LIMS1: variants seen among roughly 807,000 people sequenced by gnomAD.
LIMS1 encodes LIM zinc finger domain containing 1.
Under a neutral mutation model 44.1 loss-of-function variants are expected in LIMS1, and 18 were observed. That is an observed-to-expected ratio of 0.41 (90% CI 0.28 to 0.61). LIMS1 has a LOEUF of 0.61. Among genes scored for constraint, LIMS1 ranks in the 20% least tolerant of loss-of-function variants. LIMS1 has a pLI of 0.32. For synonymous variants in LIMS1, 93 were observed against 149.1 expected (o/e 0.62, Z 2.74); for missense variants, 201 against 422.0 (o/e 0.48, Z 4.59).
chr2:108,547,416 A>ACTCTCTTGGGTGGGATAGTT lies in LIMS1; in HGVS notation c.32+12828_32+12847dup, dbSNP rs1184172879. ...AACTGCTGGCTCCAAGAGGGTGGAC[A>ACTCTCTTGGGTGGGATAGTT]CTCTCTTGGGTGGGATAGTTCTCTC... On this transcript the variant is annotated intron_variant, in intron 1 of 9. Transcript: ENST00000544547. 8.5e-5 allele frequency among the ~76,000 whole-genome samples: 13 copies of ACTCTCTTGGGTGGGATAGTT among 152,138 alleles called. No homozygotes were observed. In the East Asian group the frequency reaches 2.5e-3, roughly 29 times the overall value.
chr2:108,582,232 T>C (rs1015410514), intron 1 of LIMS1, among the ~76,000 whole-genome samples: 1 of 152,218 alleles, frequency 6.6e-6, no homozygotes, highest in Admixed American at 6.5e-5. Flanking sequence ...GATCTGAAAC[T>C]GTTCCCTAAG....
Position 108,650,742 on chromosome 2 carries a change from A to G in LIMS1, c.33-8863A>G, listed in dbSNP as rs369796200. Among the ~76,000 whole-genome samples, 11 of 152,346 alleles carry G rather than the reference A, an allele frequency of 7.2e-5. 1 individual carries two copies. In the East Asian group the frequency reaches 1.5e-3, roughly 21 times the overall value. On this transcript the variant is annotated intron_variant, in intron 1 of 9. Transcript: ENST00000544547. ...CACCTGACCACCACCTAAACATTCC[A>G]TGGCCACACTGTTACAGATCCTTAT...
Position 108,584,310 on chromosome 2 carries a change from C to T in LIMS1, c.32+49716C>T, listed in dbSNP as rs79660020. On this transcript the variant is annotated intron_variant, in intron 1 of 9. Transcript: ENST00000544547. ...TCCCACCATGCTTAGCTCTGAGAGG[C>T]CTTCTGCTGTCAAGAAGACTTATTT... Among the ~76,000 whole-genome samples the T allele has an allele frequency of 4.0e-3, 609 of 152,256 alleles. 1 individual carries two copies. The highest frequency in any genetic ancestry group is 6.3e-3 in the Non-Finnish European group (429 of 68,008).
chr2:108,620,980 A>C (rs1298872973), intron 1 of LIMS1, among the ~76,000 whole-genome samples: 1 of 152,204 alleles, frequency 6.6e-6, no homozygotes, highest in African/African-American at 2.4e-5. Context: ...TTTAGCGACT[A>C]CCTTACTGGA....
intron 1 of LIMS1, among the ~76,000 whole-genome samples, chr2:108,611,179 A>G (rs1037804703): frequency 3.3e-5 from 5 of 152,240 alleles, no homozygotes; most frequent in Non-Finnish European, 5.9e-5. Context: ...TAATAACTGT[A>G]TAGTAAGTTA....
intron 1 of LIMS1, among the ~76,000 whole-genome samples, chr2:108,581,053 C>T (rs940119009): frequency 6.6e-6 from 1 of 152,178 alleles, no homozygotes; most frequent in African/African-American, 2.4e-5. Flanking sequence ...GAATTTGTAA[C>T]GTGCTTCCTT....
At chr2:108,664,507 ATATTTC>A in intron 2 of LIMS1, among the ~76,000 whole-genome samples, 1 of 152,330 alleles carries the variant, frequency 6.6e-6, no homozygotes, top group African/African-American at 2.4e-5. Context: ...TGGACCATTA[ATATTTC>A]TAACAGGCTT....
In LIMS1 at chr2:108,614,699, A is replaced by T. The variant is rs139755342; in HGVS notation, c.33-44906A>T. Among the ~76,000 whole-genome samples the T allele has an allele frequency of 1.6e-4, 25 of 152,336 alleles. No individual in the cohort carries two copies. The East Asian group carries it at 4.8e-3, about 29-fold the overall frequency. On this transcript the variant is annotated intron_variant, in intron 1 of 9. Coordinates refer to ENST00000544547, the Ensembl canonical transcript of LIMS1. ...TAAAGGGATAATACAGATATCAGAA[A>T]CGTGGCCACACAGCTTGTTATGTGT...
intron 1 of LIMS1, among the ~76,000 whole-genome samples, chr2:108,622,724 A>C (rs1424356689): frequency 6.6e-6 from 1 of 152,178 alleles, no homozygotes; most frequent in African/African-American, 2.4e-5. Context: ...GTGACCTCTG[A>C]AACCAACATT....
chr2:108,618,046 T>G (rs1334337038), intron 1 of LIMS1, among the ~76,000 whole-genome samples: 1 of 152,116 alleles, frequency 6.6e-6, no homozygotes, highest in Non-Finnish European at 1.5e-5. Flanking sequence ...GGTAGTAATT[T>G]CCCCATCACT....
At chr2:108,567,382 C>T (rs560483603) in intron 1 of LIMS1, among the ~76,000 whole-genome samples, 4 of 152,114 alleles carry the variant, frequency 2.6e-5, no homozygotes, top group African/African-American at 7.2e-5. Context: ...GGGATAGGCT[C>T]CAGCCACCTG....
intron 1 of LIMS1, among the ~76,000 whole-genome samples, chr2:108,600,206 C>T (rs1272330697): frequency 5.0e-4 from 75 of 150,888 alleles, no homozygotes; most frequent in African/African-American, 1.7e-3. Flanking sequence ...CCCGCCACCA[C>T]GCCCGGCTGA....
chr2:108,647,154 A>G (rs1251971697), intron 1 of LIMS1, among the ~76,000 whole-genome samples: 1 of 152,248 alleles, frequency 6.6e-6, no homozygotes, highest in Non-Finnish European at 1.5e-5. Flanking sequence ...TCCCACAAAA[A>G]TACAAACTAC....
rs959150084 is a variant in LIMS1, at chr2:108,621,188, A to G, written c.33-38417A>G. 6.2e-6 allele frequency: 8 copies of G among 1,283,550 alleles called. No individual in the cohort carries two copies. The Admixed American group carries it at 1.1e-4, about 17-fold the overall frequency. 79.5% of individuals were successfully genotyped at this position (1,283,550 alleles called of 1,614,324 possible). Reference sequence around the variant, plus strand: ...TGCCTTGCTGAGGAGGGTGTGTACCAGTGAGAAACAGGAAGCTGTGCTTCA... The same window carrying G: ...TGCCTTGCTGAGGAGGGTGTGTACCGGTGAGAAACAGGAAGCTGTGCTTCA... On this transcript the variant is annotated intron_variant, in intron 1 of 9. Transcript: ENST00000544547.
intron 1 of LIMS1, among the ~76,000 whole-genome samples, chr2:108,601,764 A>G (rs1199412548): frequency 6.6e-6 from 1 of 152,214 alleles, no homozygotes; most frequent in Non-Finnish European, 1.5e-5. Flanking sequence ...TGATCCACCC[A>G]CCTTGGCCTC....
At chr2:108,640,799 C>A (rs1689620498) in intron 1 of LIMS1, among the ~76,000 whole-genome samples, 1 of 152,198 alleles carries the variant, frequency 6.6e-6, no homozygotes, top group South Asian at 2.1e-4. Flanking sequence ...AGAACTTTCA[C>A]AATCCTCTTC....
At chr2:108,605,913 G>C (rs1278356247) in intron 1 of LIMS1, among the ~76,000 whole-genome samples, 1 of 152,234 alleles carries the variant, frequency 6.6e-6, no homozygotes, top group Non-Finnish European at 1.5e-5. Flanking sequence ...ATGACCATCT[G>C]AAAGGCCCGG....
At chr2:108,642,365 G>GTT (rs1218993215) in intron 1 of LIMS1, among the ~76,000 whole-genome samples, 4 of 15,788 alleles carry the variant, frequency 2.5e-4, no homozygotes, top group Admixed American at 7.0e-4. Context: ...TTTGTTTTTT[G>GTT]TTTTTTTTTT....
intron 1 of LIMS1, among the ~76,000 whole-genome samples, chr2:108,598,015 T>G (rs1472728967): frequency 2.0e-5 from 3 of 151,754 alleles, no homozygotes; most frequent in African/African-American, 7.3e-5. Context: ...TTTTAAAGCC[T>G]TCTCCCACCT....
Sources: allele counts gnomAD v4.1 joint callset (sites outside exome capture counted in the v4.1 genomes callset), GRCh38; gene constraint gnomAD v4.1.1; transcripts MANE v1.5; gene names NCBI Gene and HGNC (gene_info 2026-07-23, HGNC 2026-07-21).